The following STAB2 variants were observed in gnomAD, a reference collection of about 807,000 sequenced individuals.
STAB2 encodes the protein stabilin-2.
In STAB2, 288 loss-of-function variants were observed where a neutral mutation model predicts 338.1. That is an observed-to-expected ratio of 0.85 (90% CI 0.77 to 0.94). The LOEUF (loss-of-function observed/expected upper bound fraction) is 0.94. Among genes scored for constraint, STAB2 ranks in the 40% least tolerant of loss-of-function variants. The probability of loss-of-function intolerance (pLI) is 0.00; values close to 1 mark genes in which losing one functional copy is unlikely to be tolerated. For synonymous variants in STAB2, 1,202 were observed against 1,193.3 expected, an observed-to-expected ratio of 1.01 and a Z score of -0.15; for missense variants, 3,141 against 3,210.1, an observed-to-expected ratio of 0.98 and a Z score of 0.52.
At position 103,631,017 on chromosome 12, in the gene STAB2, C is replaced by A. The variant is rs74791071; in HGVS notation, c.488-581C>A. Among the ~76,000 whole-genome samples, 543 of 152,348 alleles carry A rather than the reference C, an allele frequency of 3.6e-3. 4 individuals are homozygous for A. Among genetic ancestry groups the A allele is most frequent in the Admixed American group, 0.019 (284 of 15,306 alleles). On this transcript the variant is annotated intron_variant, in intron 5 of 68. Coordinates refer to ENST00000388887, the MANE Select transcript of STAB2 (RefSeq NM_017564.10). ...ATAGTAAATCTTGCTACAAACCAAC[C>A]ACAAACTAAAGAGTTGACCATTCAC... is the stretch of plus-strand genomic sequence containing the variant.
chr12:103,723,862 G>A (rs1880969784), intron 44 of STAB2, among the ~76,000 whole-genome samples: 1 of 149,814 alleles, frequency 6.7e-6, no homozygotes, highest in Admixed American at 6.6e-5. Flanking sequence ...GTGGACCAAA[G>A]GAGGTTGGAG....
chr12:103,728,991 C>T lies in STAB2; in HGVS notation c.5078C>T (p.Ser1693Phe). The T allele has an allele frequency of 6.2e-7, 1 of 1,613,826 alleles. No homozygotes were observed. Among genetic ancestry groups the T allele is most frequent in the Non-Finnish European group, 8.5e-7 (1 of 1,179,776 alleles). The change falls in exon 48 of 69, where the codon TCT becomes TTT. Residue 1693 changes from serine (S) to phenylalanine (F), a missense_variant. Coordinates refer to ENST00000388887, the MANE Select transcript of STAB2 (RefSeq NM_017564.10). ...GGAGAGCCAATAGTCATCTCCGTCT[C>T]TCAGGTAGATGCCAGTTATCCTTAG... ...LQGEPIVISV[S>F]QSTVYINNKA...
chr12:103,601,525 G>A (rs949254201), intron 3 of STAB2, among the ~76,000 whole-genome samples: 5 of 152,240 alleles, frequency 3.3e-5, no homozygotes, highest in African/African-American at 1.2e-4. Flanking sequence ...CCGGGAGGCG[G>A]AAGTTGCAGT....
At position 103,715,811 on chromosome 12, in the gene STAB2, A is replaced by G. The variant is rs1168483178; in HGVS notation, c.4538-4A>G. The G allele has an allele frequency of 1.2e-6, 2 of 1,614,018 alleles. No individual in the cohort carries two copies. The highest frequency in any genetic ancestry group is 1.7e-6 in the Non-Finnish European group (2 of 1,179,944). On this transcript the variant is annotated splice_region_variant and splice_polypyrimidine_tract_variant and intron_variant, in intron 42 of 68. Coordinates refer to ENST00000388887, the MANE Select transcript of STAB2 (RefSeq NM_017564.10). Reference sequence around the variant, plus strand: ...AGGCCAGATGTTGGCTTTTTGTTTTAAAGAAATCAACCCGTGTTTGGAGAA... The same window carrying G: ...AGGCCAGATGTTGGCTTTTTGTTTTGAAGAAATCAACCCGTGTTTGGAGAA...
At chr12:103,752,437 A>C (rs1883749699) in intron 60 of STAB2, among the ~76,000 whole-genome samples, 1 of 152,220 alleles carries the variant, frequency 6.6e-6, no homozygotes, top group Non-Finnish European at 1.5e-5. Context: ...TTGTGGCATT[A>C]TACAATGAAC....
intron 57 of STAB2, chr12:103,746,287 A>G: frequency 4.4e-6 from 1 of 228,464 alleles, no homozygotes; most frequent in Non-Finnish European, 8.8e-6. Flanking sequence ...CAGAGAGCTA[A>G]TCTGCCAAGT....
At chr12:103,709,155 A>G (rs77613104) in intron 39 of STAB2, among the ~76,000 whole-genome samples, 262 of 152,300 alleles carry the variant, frequency 1.7e-3, no homozygotes, top group African/African-American at 6.0e-3. Flanking sequence ...ACCACATCAC[A>G]TTGATTTTTC....
chr12:103,673,965 C>T lies in STAB2; in HGVS notation c.2430C>T (p.Leu810=), dbSNP rs960547016. The change falls in exon 23 of 69, where the codon CTC becomes CTT. Residue 810 remains leucine, a synonymous_variant. Coordinates refer to ENST00000388887, the MANE Select transcript of STAB2 (RefSeq NM_017564.10). ...GGATAGACAGCGATGGGGCCTGCCT[C>T]ACTGGCACATGCAGAGACGGCTCTG... The part of the protein sequence containing the change: ...NNRIDSDGAC[L]TGTCRDGSAG... The T allele has an allele frequency of 1.4e-5, 23 of 1,614,022 alleles. No homozygotes were observed. The highest frequency in any genetic ancestry group is 1.7e-5 in the Non-Finnish European group (20 of 1,180,032).
At chr12:103,619,376 C>G (rs1957261769) in intron 3 of STAB2, among the ~76,000 whole-genome samples, 1 of 152,136 alleles carries the variant, frequency 6.6e-6, no homozygotes, top group South Asian at 2.1e-4. Flanking sequence ...TGTAGAACAA[C>G]AGCAAGTATA....
chr12:103,753,177 C>G, intron 60 of STAB2, 43 bp from the exon 61 acceptor site: 1 of 1,607,846 alleles, frequency 6.2e-7, no homozygotes, highest in Non-Finnish European at 8.5e-7. Context: ...ACACTGCCAA[C>G]CTGGTGGGCT....
In STAB2 at chr12:103,594,476, G is replaced by A. The variant is rs1361709213; in HGVS notation, c.297G>A (p.Arg99=). 18 of 1,613,842 alleles carry A rather than the reference G, an allele frequency of 1.1e-5. No homozygotes were observed. Among genetic ancestry groups the A allele is most frequent in the Non-Finnish European group, 1.5e-5 (18 of 1,179,866 alleles). ...GTAGGAAGGACTATCTCCAACCTCG[G>A]TGTTGTCCTGGCCGCTGGGGCCCAG... ...HICRKDYLQP[R]CCPGRWGPDC... is the part of the protein sequence containing the mutation. Residue 99 remains arginine (R), a synonymous_variant, in exon 3 of 69, where the codon CGG becomes CGA. Coordinates refer to ENST00000388887, the MANE Select transcript of STAB2 (RefSeq NM_017564.10).
chr12:103,631,592 C>T lies in STAB2; in HGVS notation c.488-6C>T. ...GTAATAAAAATCCCCCACTTTCTGTCTCCAGTGTGCAACTGTGTGCATGGG... is the reference window on the plus strand; with the variant it reads ...GTAATAAAAATCCCCCACTTTCTGTTTCCAGTGTGCAACTGTGTGCATGGG... On this transcript the variant is annotated splice_region_variant and splice_polypyrimidine_tract_variant and intron_variant, in intron 5 of 68. Coordinates refer to ENST00000388887, the MANE Select transcript of STAB2 (RefSeq NM_017564.10). 6.2e-7 allele frequency: 1 copy of T among 1,613,766 alleles called. No individual in the cohort carries two copies. Among genetic ancestry groups the T allele is most frequent in the East Asian group, 2.2e-5 (1 of 44,884 alleles).
At chr12:103,604,325 C>A (rs1312591028) in intron 3 of STAB2, among the ~76,000 whole-genome samples, 1 of 151,918 alleles carries the variant, frequency 6.6e-6, no homozygotes, top group Non-Finnish European at 1.5e-5. Flanking sequence ...GTATAGTTTT[C>A]TTTTCTTGTT....
At chr12:103,635,564 C>T (rs936600991) in intron 6 of STAB2, among the ~76,000 whole-genome samples, 3 of 152,234 alleles carry the variant, frequency 2.0e-5, no homozygotes, top group Non-Finnish European at 4.4e-5. Context: ...CCCCAGACTG[C>T]GCAGGCCCAT....
At position 103,729,115 on chromosome 12, in the gene STAB2, G is replaced by A. The variant is rs1234070513; in HGVS notation, c.5082+120G>A. On this transcript the variant is annotated intron_variant, in intron 48 of 68. Transcript: ENST00000388887. ...ATGCAGGAACAGAAAACCCAATGCT[G>A]CATGTCCTCACTTACAAGTGGGAGC... is the stretch of plus-strand genomic sequence containing the variant. 9.9e-6 allele frequency: 9 copies of A among 911,004 alleles called. No homozygotes were observed. In the East Asian group the frequency reaches 2.0e-4, roughly 20 times the overall value. 56.4% of individuals were successfully genotyped at this position (911,004 alleles called of 1,614,324 possible). A position where few individuals can be genotyped will look rare whatever the true frequency, so the allele number is the denominator to read the frequency against.
At chr12:103,654,880 A>T in intron 13 of STAB2, 182 bp downstream of exon 13, 1 of 741,186 alleles carries the variant, frequency 1.3e-6, no homozygotes, top group Non-Finnish European at 2.1e-6. Context: ...TGCAGAAAGA[A>T]AGCAAGACGT....
chr12:103,749,658 T>C (rs1883414287), intron 59 of STAB2, among the ~76,000 whole-genome samples: 2 of 145,998 alleles, frequency 1.4e-5, no homozygotes, highest in South Asian at 4.3e-4. Context: ...TGAAACCCCA[T>C]GTCTACTAAA....
Position 103,713,775 on chromosome 12 carries a change from G to A in STAB2, c.4537+7G>A. 6.2e-7 allele frequency: 1 copy of A among 1,613,416 alleles called. No individual in the cohort carries two copies. The highest frequency in any genetic ancestry group is 8.5e-7 in the Non-Finnish European group (1 of 1,179,606). On this transcript the variant is annotated splice_region_variant and intron_variant, in intron 42 of 68. Coordinates refer to ENST00000388887, the MANE Select transcript of STAB2 (RefSeq NM_017564.10). Reference sequence around the variant, plus strand: ...GATGGCATTGTGTGCCTGGGTAGGTGTCCTTCCCTCTTCCATCGGCGAAAT... The same window carrying A: ...GATGGCATTGTGTGCCTGGGTAGGTATCCTTCCCTCTTCCATCGGCGAAAT...
rs1053711721 is a variant in STAB2, at chr12:103,594,470, A to G, written c.291A>G (p.Gln97=). The change falls in exon 3 of 69, where the codon CAA becomes CAG. Residue 97 remains glutamine, a synonymous_variant. Transcript: ENST00000388887. ...ATATTTGTAGGAAGGACTATCTCCA[A>G]CCTCGGTGTTGTCCTGGCCGCTGGG... ...CRHICRKDYL[Q]PRCCPGRWGP... 21 of 1,613,910 alleles carry G rather than the reference A, an allele frequency of 1.3e-5. No homozygotes were observed. The highest frequency in any genetic ancestry group is 1.8e-5 in the Non-Finnish European group (21 of 1,179,838).
Sources: gnomAD v4.1 joint callset for allele counts (sites outside exome capture counted in the v4.1 genomes callset) on GRCh38, gnomAD v4.1.1 for gene constraint, MANE v1.5 for transcripts, NCBI Gene and HGNC (gene_info 2026-07-23, HGNC 2026-07-21) for gene names.